The following NCAM2 variants were observed in gnomAD, a reference collection of about 807,000 sequenced individuals.
NCAM2 encodes the protein neural cell adhesion molecule 2, also known as N-CAM-2.
Under a neutral mutation model 98.1 loss-of-function variants are expected in NCAM2, and 30 were observed. The observed-to-expected ratio is 0.31, with a 90% CI of 0.23 to 0.41. NCAM2 has a LOEUF of 0.41. Ranked by LOEUF, NCAM2 falls within the 10% of genes least tolerant of loss-of-function variation. The pLI is 1.00. For missense variants in NCAM2, 867 were observed against 1,005.8 expected (o/e 0.86, Z 1.87); for synonymous variants, 368 against 342.4 (o/e 1.07, Z -0.83).
chr21:21,055,498 TA>T (rs2065192538), intron 1 of NCAM2, among the ~76,000 whole-genome samples: 1 of 152,092 alleles, frequency 6.6e-6, no homozygotes, highest in African/African-American at 2.4e-5. Flanking sequence ...AGGGTAATGA[TA>T]GGGAACATGA....
chr21:20,998,889 T>C (rs1292362970), intron 1 of NCAM2, among the ~76,000 whole-genome samples: 2 of 152,116 alleles, frequency 1.3e-5, no homozygotes, highest in African/African-American at 2.4e-5. Context: ...TCTTCTTCTT[T>C]TTTTTTCCTC....
rs563851342 is a variant in NCAM2 at position 21,445,204 on chromosome 21, G to T, written c.1654+12923G>T. ...TGCACTGTGGCCTGAGAGGCTGTTC[G>T]CTATGATTTCAGTTATTTTGCATTT... On this transcript the variant is annotated intron_variant, in intron 12 of 17. Transcript: ENST00000400546. Among the ~76,000 whole-genome samples the T allele has an allele frequency of 3.9e-5, 6 of 152,152 alleles. No individual in the cohort carries two copies. In the South Asian group the frequency reaches 6.2e-4, roughly 16 times the overall value.
intron 9 of NCAM2, among the ~76,000 whole-genome samples, chr21:21,404,200 G>A (rs557965012): frequency 2.0e-5 from 3 of 152,114 alleles, no homozygotes; most frequent in Non-Finnish European, 2.9e-5. Flanking sequence ...TGAGGCATAC[G>A]TGTTTACTGT....
intron 6 of NCAM2, among the ~76,000 whole-genome samples, chr21:21,326,931 G>T (rs2074529059): frequency 6.6e-6 from 1 of 152,140 alleles, no homozygotes; most frequent in Non-Finnish European, 1.5e-5. Context: ...ATCAGGAAAT[G>T]TAGGGTAGCA....
At chr21:21,250,932 A>G (rs752455051) in intron 1 of NCAM2, among the ~76,000 whole-genome samples, 1 of 152,234 alleles carries the variant, frequency 6.6e-6, no homozygotes, top group African/African-American at 2.4e-5. Flanking sequence ...TGCTAATATT[A>G]CATGATCATA....
chr21:21,095,428 G>GTCTA (rs917101931), intron 1 of NCAM2, among the ~76,000 whole-genome samples: 14 of 151,310 alleles, frequency 9.3e-5, no homozygotes, highest in Non-Finnish European at 1.5e-4. Flanking sequence ...TCATCTTTCT[G>GTCTA]TCTATCTATC....
chr21:21,299,993 GTAAA>G (rs2073650255), intron 5 of NCAM2, among the ~76,000 whole-genome samples: 1 of 151,934 alleles, frequency 6.6e-6, no homozygotes, highest in African/African-American at 2.4e-5. Flanking sequence ...TAGATGCTGT[GTAAA>G]TAGTGTTACA....
In NCAM2 at chr21:21,477,329, A is replaced by G. The variant is rs1373222538; in HGVS notation, c.1935A>G (p.Gln645=). 2 of 1,605,722 alleles carry G rather than the reference A, an allele frequency of 1.2e-6. No individual in the cohort carries two copies. The highest frequency in any genetic ancestry group is 8.5e-7 in the Non-Finnish European group (1 of 1,175,018). ...KEDQWLEKKV[Q]GNKDHIILEH... ...ACCAATGGCTAGAGAAAAAAGTGCA[A>G]GGAAATAAAGACCACATCATTTTGG... The change falls in exon 15 of 18, where the codon CAA becomes CAG. Residue 645 remains glutamine, a synonymous_variant. Coordinates refer to ENST00000400546, the MANE Select transcript of NCAM2 (RefSeq NM_004540.5).
At chr21:21,165,737 T>C (rs566402123) in intron 1 of NCAM2, among the ~76,000 whole-genome samples, 4 of 152,330 alleles carry the variant, frequency 2.6e-5, no homozygotes, top group East Asian at 1.9e-4. Flanking sequence ...TAATCACATT[T>C]ATATTTAATC....
At chr21:21,383,262 C>A (rs1400750845) in intron 9 of NCAM2, among the ~76,000 whole-genome samples, 1 of 152,156 alleles carries the variant, frequency 6.6e-6, no homozygotes, top group Non-Finnish European at 1.5e-5. Flanking sequence ...CAAGTGATTT[C>A]TCAAAGCTTT....
At chr21:21,083,039 A>G (rs73895334) in intron 1 of NCAM2, among the ~76,000 whole-genome samples, 6,851 of 152,298 alleles carry the variant, frequency 0.045, 496 homozygotes, top group African/African-American at 0.15. Context: ...AGAACAGAAT[A>G]TCTCTGTAAA....
rs570464189 is a variant in NCAM2, at chr21:21,101,679, A to G, written c.55+103061A>G. On this transcript the variant is annotated intron_variant, in intron 1 of 17. Coordinates refer to ENST00000400546, the MANE Select transcript of NCAM2 (RefSeq NM_004540.5). ...ATAAATAATGGATTTAAATGTAACC[A>G]TTTCTCAAAAAGGTCACAGTCATGT... Among the ~76,000 whole-genome samples, 5 of 152,190 alleles carry G rather than the reference A, an allele frequency of 3.3e-5. No individual in the cohort carries two copies. The East Asian group carries it at 9.7e-4, about 29-fold the overall frequency.
intron 4 of NCAM2, 117 bp from the exon 5 acceptor site, chr21:21,291,987 T>G: frequency 3.3e-6 from 3 of 896,484 alleles, no homozygotes; most frequent in Non-Finnish European, 4.7e-6. Context: ...ATTTGTTTGC[T>G]GATGAAAAGC....
chr21:21,410,320 A>G lies in NCAM2; in HGVS notation c.1242A>G (p.Glu414=), dbSNP rs915960412. The stretch of plus-strand genomic sequence containing the variant: ...ACCAAACAATTTATTACTCTTGGGA[A>G]GGAAATCCTATCAATATAAGTTGTG... ...ISNQTIYYSW[E]GNPINISCDV... is the part of the protein sequence containing the mutation. The change falls in exon 10 of 18, where the codon GAA becomes GAG. Residue 414 remains glutamate (E), a synonymous_variant. Transcript: ENST00000400546. The G allele has an allele frequency of 3.1e-6, 5 of 1,593,244 alleles. No homozygotes were observed. The highest frequency in any genetic ancestry group is 1.3e-5 in the African/African-American group (1 of 74,150).
chr21:21,522,164 A>G (rs1219849811), intron 16 of NCAM2, among the ~76,000 whole-genome samples: 2 of 148,082 alleles, frequency 1.4e-5, no homozygotes, highest in African/African-American at 4.9e-5. Context: ...TACTATATAT[A>G]TGAATATGAA....
intron 10 of NCAM2, among the ~76,000 whole-genome samples, chr21:21,415,412 T>C (rs2076973177): frequency 7.1e-6 from 1 of 140,488 alleles, no homozygotes; most frequent in Admixed American, 7.9e-5. Context: ...CTCGGCTCAG[T>C]GCAAGCTCTG....
At chr21:21,323,426 A>G (rs1385817357) in intron 5 of NCAM2, among the ~76,000 whole-genome samples, 3 of 152,134 alleles carry the variant, frequency 2.0e-5, no homozygotes, top group Non-Finnish European at 4.4e-5. Flanking sequence ...CCTGAATGCT[A>G]TTATAGAGAT....
intron 1 of NCAM2, among the ~76,000 whole-genome samples, chr21:21,230,736 G>T (rs1017526458): frequency 1.3e-5 from 2 of 151,330 alleles, no homozygotes; most frequent in African/African-American, 4.8e-5. Flanking sequence ...GTTAGGACCA[G>T]AAAATGGGAA....
chr21:21,359,411 A>G (rs2075583464), intron 8 of NCAM2, among the ~76,000 whole-genome samples: 1 of 151,996 alleles, frequency 6.6e-6, no homozygotes, highest in Non-Finnish European at 1.5e-5. Context: ...AAAGATTTTC[A>G]GAAAAGTCTA....
Sources: gnomAD v4.1 joint callset for allele counts (sites outside exome capture counted in the v4.1 genomes callset) on GRCh38, gnomAD v4.1.1 for gene constraint, MANE v1.5 for transcripts, NCBI Gene and HGNC (gene_info 2026-07-23, HGNC 2026-07-21) for gene names.